Variants in BBS7 observed in about 807,000 individuals in gnomAD.
BBS7 encodes BBSome complex member BBS7.
Under a neutral mutation model 90.3 loss-of-function variants are expected in BBS7, and 50 were observed. The ratio of observed to expected loss-of-function variants is 0.55; its 90% CI spans 0.44 to 0.70. BBS7 has a LOEUF of 0.70. Among genes scored for constraint, BBS7 ranks in the 30% least tolerant of loss-of-function variants. The pLI, the probability that BBS7 is intolerant of heterozygous loss-of-function variation, is 0.00. For missense variants in BBS7, 729 were observed against 838.9 expected (o/e 0.87, Z 1.62); for synonymous variants, 235 against 287.4 (o/e 0.82, Z 1.85).
chr4:121,836,787 T>G (rs1340520670), intron 13 of BBS7, among the ~76,000 whole-genome samples: 1 of 152,206 alleles, frequency 6.6e-6, no homozygotes, highest in Non-Finnish European at 1.5e-5. Flanking sequence ...TGACTGACAG[T>G]GTCATTTTCT....
intron 8 of BBS7, among the ~76,000 whole-genome samples, chr4:121,849,456 C>A (rs1401471952): frequency 2.0e-5 from 3 of 152,202 alleles, no homozygotes; most frequent in African/African-American, 7.2e-5. Flanking sequence ...CCACCTTGGC[C>A]TCCCAAACTG....
At chr4:121,827,907 A>G (rs1724983331) in intron 18 of BBS7, 2 of 1,278,798 alleles carry the variant, frequency 1.6e-6, no homozygotes, top group Non-Finnish European at 2.0e-6. Flanking sequence ...TCATCACAGT[A>G]TACTTATTTC....
chr4:121,829,630 A>AG (rs1725083338), intron 15 of BBS7, among the ~76,000 whole-genome samples: 1 of 152,158 alleles, frequency 6.6e-6, no homozygotes. Context: ...CAATGGTCTC[A>AG]GTCTATTTCT....
rs569197924 is a variant in BBS7, at chr4:121,830,429, T to G, written c.1677-1701A>C. Among the ~76,000 whole-genome samples, 7 of 152,258 alleles carry G rather than the reference T, an allele frequency of 4.6e-5. No homozygotes were observed. In the East Asian group the frequency reaches 1.4e-3, roughly 29 times the overall value. ...ACAAATAAAAAAAAAGATAATTTTT[T>G]TTTCTAGAAAGATAAATAATACACC... On this transcript the variant is annotated intron_variant, in intron 15 of 18. Transcript: ENST00000264499.
At chr4:121,833,162 T>C in intron 15 of BBS7, 69 bp downstream of exon 15, 1 of 1,498,960 alleles carries the variant, frequency 6.7e-7, no homozygotes, top group East Asian at 2.3e-5. Context: ...AACTCCTAAC[T>C]TAAAGGAAAA....
At chr4:121,851,749 G>A (rs1298892044) in intron 8 of BBS7, among the ~76,000 whole-genome samples, 3 of 151,966 alleles carry the variant, frequency 2.0e-5, no homozygotes, top group South Asian at 2.1e-4. Flanking sequence ...CAGACAGTAC[G>A]TCTTCTCCTG....
At chr4:121,840,223 T>C (rs1049043682) in intron 12 of BBS7, among the ~76,000 whole-genome samples, 1 of 152,176 alleles carries the variant, frequency 6.6e-6, no homozygotes, top group East Asian at 1.9e-4. Context: ...GGGAAACCCC[T>C]TTCTCTTGGC....
chr4:121,853,025 C>T lies in BBS7; in HGVS notation c.780G>A (p.Gly260=), dbSNP rs773120030. ...ACACTTCCACCATTCCGTCATCTCTCCCAACAAGTAAATCTTTAACCCCAT... is the reference window on the plus strand; with the variant it reads ...ACACTTCCACCATTCCGTCATCTCTTCCAACAAGTAAATCTTTAACCCCAT... ...VGDGVKDLLV[G]RDDGMVEVYS... is the part of the protein sequence containing the mutation. The change falls in exon 8 of 19, where the codon GGG becomes GGA. Residue 260 remains glycine (G), a synonymous_variant. Transcript: ENST00000264499. 2 of 1,613,800 alleles carry T rather than the reference C, an allele frequency of 1.2e-6. No individual in the cohort carries two copies. The highest frequency in any genetic ancestry group is 2.2e-5 in the South Asian group (2 of 91,058).
At chr4:121,849,253 A>C (rs7690095) in intron 8 of BBS7, among the ~76,000 whole-genome samples, 119,247 of 152,180 alleles carry the variant, frequency 0.78, 47,035 homozygotes, top group African/African-American at 0.87. Context: ...CAGGCTGGAG[A>C]GCAGTGGTGC....
At chr4:121,859,222 C>G (rs1178666889) in intron 4 of BBS7, 44 bp from the exon 5 acceptor site, 1 of 1,561,624 alleles carries the variant, frequency 6.4e-7, no homozygotes, top group South Asian at 1.1e-5. Flanking sequence ...AGCACAGGTA[C>G]TGAATTTTTT....
Position 121,835,244 on chromosome 4 carries a change from A to G in BBS7, c.1411T>C (p.Tyr471His). 2 of 1,613,838 alleles carry G rather than the reference A, an allele frequency of 1.2e-6. No homozygotes were observed. Among genetic ancestry groups the G allele is most frequent in the East Asian group, 2.2e-5 (1 of 44,860 alleles). The change falls in exon 14 of 19, where the codon TAT (tyrosine) becomes CAT (histidine). Residue 471 changes from tyrosine (Y) to histidine (H), a missense_variant. Transcript: ENST00000264499. ...IEGQYGTLQA[Y>H]VTPRIQPKTC... The stretch of plus-strand genomic sequence containing the variant: ...TTGGGTTGAATTCTTGGAGTCACAT[A>G]TGCTTGTAGTGTGCCATACTGGCCT...
intron 15 of BBS7, among the ~76,000 whole-genome samples, chr4:121,830,207 A>G (rs904745556): frequency 3.9e-5 from 6 of 152,016 alleles, no homozygotes; most frequent in Non-Finnish European, 7.4e-5. Flanking sequence ...TTCGAGACTA[A>G]CCTGGCCAAC....
At chr4:121,863,112 T>C in intron 3 of BBS7, 105 bp downstream of exon 3, 1 of 1,092,412 alleles carries the variant, frequency 9.2e-7, no homozygotes, top group South Asian at 1.3e-5. Flanking sequence ...TCAGAACCCA[T>C]TTTCCATTAC....
At chr4:121,834,816 G>A (rs1725368408) in intron 14 of BBS7, among the ~76,000 whole-genome samples, 1 of 152,094 alleles carries the variant, frequency 6.6e-6, no homozygotes, top group African/African-American at 2.4e-5. Context: ...CTGATACAAT[G>A]AGGTCCTATT....
rs752970955 is a variant in BBS7 at position 121,828,486 on chromosome 4, G to C, written c.1806C>G (p.Val602=). Residue 602 remains valine, a synonymous_variant, in exon 17 of 19, where the codon GTC becomes GTG. Coordinates refer to ENST00000264499, the MANE Select transcript of BBS7 (RefSeq NM_176824.3). ...GGTGGATTAGCTTTAAAGTGTGTTT[G>C]ACTGATACTTCATTTATCTCTAGAA... ...NISYEINEVS[V]KHTLKLIHPK... 52 of 1,613,626 alleles carry C rather than the reference G, an allele frequency of 3.2e-5. No homozygotes were observed. The Admixed American group carries it at 8.2e-4, about 25-fold the overall frequency.
intron 3 of BBS7, among the ~76,000 whole-genome samples, chr4:121,862,293 A>AT (rs1275262433): frequency 5.3e-5 from 8 of 152,078 alleles, no homozygotes; most frequent in Non-Finnish European, 1.2e-4. Context: ...CATTTCATTA[A>AT]TTTTTTTGTG....
chr4:121,847,720 AT>A (rs138600293), intron 9 of BBS7, among the ~76,000 whole-genome samples: 36 of 149,192 alleles, frequency 2.4e-4, no homozygotes, highest in Admixed American at 4.0e-4. Flanking sequence ...TCACGATATC[AT>A]TTTTTTTTTG....
chr4:121,859,916 T>C (rs1156773718), intron 4 of BBS7, among the ~76,000 whole-genome samples: 2 of 152,138 alleles, frequency 1.3e-5, no homozygotes. Context: ...TGAGCTAAAA[T>C]GTCTTGACAA....
chr4:121,833,482 T>C lies in BBS7; in HGVS notation c.1512-87A>G, dbSNP rs72915972. The C allele has an allele frequency of 8.4e-5, 100 of 1,192,202 alleles. No individual in the cohort carries two copies. In the African/African-American group the frequency reaches 1.3e-3, roughly 16 times the overall value. 73.9% of individuals were successfully genotyped at this position (1,192,202 alleles called of 1,614,324 possible). ...CACGTTAATAAGCAGAATTTTGTAA[T>C]AGTTGTTAAATATAAATGAAAACAT... On this transcript the variant is annotated intron_variant, in intron 14 of 18. Transcript: ENST00000264499.
Sources: gnomAD v4.1 joint callset for allele counts (sites outside exome capture counted in the v4.1 genomes callset) on GRCh38, gnomAD v4.1.1 for gene constraint, MANE v1.5 for transcripts, NCBI Gene and HGNC (gene_info 2026-07-23, HGNC 2026-07-21) for gene names.